Variants in COL14A1 observed in about 807,000 individuals in gnomAD.
COL14A1 encodes the protein collagen alpha-1(XIV) chain.
Under a neutral mutation model 230.3 loss-of-function variants are expected in COL14A1, and 136 were observed. The ratio of observed to expected loss-of-function variants is 0.59; its 90% CI spans 0.51 to 0.68. The LOEUF (loss-of-function observed/expected upper bound fraction) is 0.68, where lower values mean the gene tolerates loss of function less well. COL14A1 is among the 30% of genes least tolerant of loss of function. The pLI is 0.00. For missense variants in COL14A1, 1,976 were observed against 2,215.8 expected, an observed-to-expected ratio of 0.89 and a Z score of 2.17; for synonymous variants, 792 against 784.1, an observed-to-expected ratio of 1.01 and a Z score of -0.17.
intron 11 of COL14A1, among the ~76,000 whole-genome samples, chr8:120,208,914 G>A (rs191046672): frequency 3.9e-5 from 6 of 152,026 alleles, no homozygotes; most frequent in African/African-American, 1.4e-4. Flanking sequence ...AAAAAAGATC[G>A]AACATCTTAT....
intron 42 of COL14A1, among the ~76,000 whole-genome samples, chr8:120,333,684 G>C (rs1001868447): frequency 7.2e-5 from 11 of 152,162 alleles, no homozygotes; most frequent in Non-Finnish European, 1.5e-4. Context: ...CAGAAGTCTG[G>C]CGCAGATCTC....
At chr8:120,277,215 G>C (rs1039713335) in intron 26 of COL14A1, among the ~76,000 whole-genome samples, 2 of 152,118 alleles carry the variant, frequency 1.3e-5, no homozygotes, top group African/African-American at 4.8e-5. Flanking sequence ...GACCACTCTT[G>C]TGATGTGCAA....
intron 1 of COL14A1, among the ~76,000 whole-genome samples, chr8:120,141,458 T>A (rs1288799643): frequency 6.6e-6 from 1 of 151,788 alleles, no homozygotes; most frequent in East Asian, 1.9e-4. Context: ...GGTGGGAGAA[T>A]CACTTGAGTC....
intron 23 of COL14A1, among the ~76,000 whole-genome samples, chr8:120,259,573 A>T (rs567138709): frequency 6.6e-6 from 1 of 152,300 alleles, no homozygotes; most frequent in Non-Finnish European, 1.5e-5. Flanking sequence ...CTTTGTTAGT[A>T]TTGGGAACCA....
chr8:120,371,764 A>G lies in COL14A1; in HGVS notation c.*533A>G. The G allele has an allele frequency of 2.5e-6, 1 of 395,132 alleles. No homozygotes were observed. The highest frequency in any genetic ancestry group is 4.5e-6 in the Non-Finnish European group (1 of 223,546). 24.5% of individuals were successfully genotyped at this position (395,132 alleles called of 1,614,324 possible). A position where few individuals can be genotyped will look rare whatever the true frequency, so the allele number is the denominator to read the frequency against. The stretch of plus-strand genomic sequence containing the variant: ...CTGAGATCACTTGGTAACTGGTTTC[A>G]TGTGTATCCAAAAATCAGCATTTGG... On this transcript the variant is annotated 3_prime_UTR_variant, in exon 48 of 48. Transcript: ENST00000297848.
At chr8:120,362,743 C>T (rs1823262008) in intron 45 of COL14A1, among the ~76,000 whole-genome samples, 1 of 152,108 alleles carries the variant, frequency 6.6e-6, no homozygotes, top group Non-Finnish European at 1.5e-5. Context: ...CTCAGTTTTA[C>T]TGTGAACCCA....
chr8:120,339,875 T>C (rs574496719), intron 42 of COL14A1, among the ~76,000 whole-genome samples: 2 of 152,052 alleles, frequency 1.3e-5, no homozygotes, highest in East Asian at 3.9e-4. Flanking sequence ...CCGTCTCTAC[T>C]AAAAATACAA....
intron 24 of COL14A1, among the ~76,000 whole-genome samples, chr8:120,265,800 T>C (rs1309508239): frequency 6.6e-6 from 1 of 152,062 alleles, no homozygotes; most frequent in Non-Finnish European, 1.5e-5. Context: ...TGAATCCTTT[T>C]ATTTAAATTA....
chr8:120,233,359 T>C (rs1298899599), intron 19 of COL14A1, among the ~76,000 whole-genome samples: 2 of 152,228 alleles, frequency 1.3e-5, no homozygotes, highest in African/African-American at 4.8e-5. Context: ...GTGTCCTGAA[T>C]GGTATTGCCT....
intron 37 of COL14A1, 58 bp downstream of exon 37, chr8:120,310,120 G>A (rs1820988206): frequency 1.3e-5 from 20 of 1,558,532 alleles, no homozygotes; most frequent in Non-Finnish European, 1.5e-5. Context: ...CTCATAAATA[G>A]CCATCATTTT....
intron 6 of COL14A1, 119 bp from the exon 7 acceptor site, chr8:120,197,691 AG>A (rs1817084406): frequency 8.2e-6 from 8 of 974,970 alleles, no homozygotes; most frequent in Non-Finnish European, 1.2e-5. Flanking sequence ...ATTTATAGCC[AG>A]GCCAAAATAA....
chr8:120,199,367 A>T (rs1363276255), intron 7 of COL14A1, 35 bp from the exon 8 acceptor site: 1 of 1,523,848 alleles, frequency 6.6e-7, no homozygotes, highest in South Asian at 1.4e-5. Flanking sequence ...TTTATTAGAG[A>T]TAGCTGGTGT....
chr8:120,200,955 C>T (rs1031633596), intron 8 of COL14A1, among the ~76,000 whole-genome samples: 1 of 151,282 alleles, frequency 6.6e-6, no homozygotes, highest in Admixed American at 6.6e-5. Context: ...ATCTTCTTCA[C>T]TTTTTCATCC....
intron 31 of COL14A1, among the ~76,000 whole-genome samples, chr8:120,282,419 G>T (rs1033487827): frequency 6.6e-6 from 1 of 152,056 alleles, no homozygotes; most frequent in Admixed American, 6.6e-5. Flanking sequence ...TCCTTAATCC[G>T]GTCAAGTTGA....
At chr8:120,215,050 C>A (rs1308666948) in intron 13 of COL14A1, among the ~76,000 whole-genome samples, 1 of 152,180 alleles carries the variant, frequency 6.6e-6, no homozygotes, top group African/African-American at 2.4e-5. Context: ...AGTGAAATAG[C>A]AGCAGGCCAC....
intron 1 of COL14A1, among the ~76,000 whole-genome samples, chr8:120,137,433 A>G (rs1156827621): frequency 6.6e-6 from 1 of 152,060 alleles, no homozygotes; most frequent in Non-Finnish European, 1.5e-5. Flanking sequence ...GTTAATTTCT[A>G]CTAATGTTTT....
At chr8:120,137,962 T>C (rs1334710368) in intron 1 of COL14A1, among the ~76,000 whole-genome samples, 1 of 152,030 alleles carries the variant, frequency 6.6e-6, no homozygotes, top group Admixed American at 6.5e-5. Flanking sequence ...AGTATGTTTT[T>C]CAATCTTTTG....
At chr8:120,136,941 G>A (rs1814732559) in intron 1 of COL14A1, among the ~76,000 whole-genome samples, 1 of 125,592 alleles carries the variant, frequency 8.0e-6, no homozygotes. Flanking sequence ...CAGCCTGTGT[G>A]ACAGTGAGAG....
At position 120,227,369 on chromosome 8, in the gene COL14A1, C is replaced by T. The variant is rs1563683500; in HGVS notation, c.2137+17C>T. ...GGACCACACGTAAGTCTTGGTCTGG[C>T]CACAGTGCGTTTTAGCTGCTCCCAC... On this transcript the variant is annotated intron_variant, in intron 17 of 47. Coordinates refer to ENST00000297848, the MANE Select transcript of COL14A1 (RefSeq NM_021110.4). The T allele has an allele frequency of 6.2e-7, 1 of 1,612,692 alleles. No individual in the cohort carries two copies. Among genetic ancestry groups the T allele is most frequent in the South Asian group, 1.1e-5 (1 of 90,992 alleles).
Sources: gnomAD v4.1 joint callset for allele counts (sites outside exome capture counted in the v4.1 genomes callset) on GRCh38, gnomAD v4.1.1 for gene constraint, MANE v1.5 for transcripts, NCBI Gene and HGNC (gene_info 2026-07-23, HGNC 2026-07-21) for gene names.